RBFOX1: variants seen among roughly 807,000 people sequenced by gnomAD.
The protein encoded by RBFOX1 is RNA binding fox-1 homolog 1.
In RBFOX1, 8 loss-of-function variants were observed where a neutral mutation model predicts 57.7. The observed-to-expected ratio is 0.14, with a 90% CI of 0.08 to 0.25. RBFOX1 has a LOEUF of 0.25. Among genes scored for constraint, RBFOX1 ranks in the 10% least tolerant of loss-of-function variants. The pLI is 1.00. For synonymous variants in RBFOX1, 326 were observed against 222.4 expected (o/e 1.47, Z -4.15); for missense variants, 611 against 548.5 (o/e 1.11, Z -1.14).
At chr16:5,356,956 C>T (rs8049847) in intron 1 of RBFOX1, among the ~76,000 whole-genome samples, 6,397 of 152,254 alleles carry the variant, frequency 0.042, 457 homozygotes, top group African/African-American at 0.14. Context: ...TCGTTGAAGC[C>T]TCACAGGTAC....
chr16:7,120,817 A>T (rs1412336462), intron 4 of RBFOX1, among the ~76,000 whole-genome samples: 3 of 62,930 alleles, frequency 4.8e-5, no homozygotes, highest in African/African-American at 2.0e-4. Flanking sequence ...GTAATATTTT[A>T]TATATGTATA....
chr16:6,422,325 G>T (rs1321361452), intron 2 of RBFOX1, among the ~76,000 whole-genome samples: 4 of 151,664 alleles, frequency 2.6e-5, no homozygotes, highest in African/African-American at 4.8e-5. Flanking sequence ...GAGGTTCGGG[G>T]TGTGGATGAT....
chr16:6,204,751 T>C (rs2097242227), intron 1 of RBFOX1, among the ~76,000 whole-genome samples: 1 of 152,166 alleles, frequency 6.6e-6, no homozygotes, highest in South Asian at 2.1e-4. Flanking sequence ...ATGTTTTTAA[T>C]TGAGTTGGAT....
At chr16:6,665,548 C>T (rs1432584956) in intron 3 of RBFOX1, among the ~76,000 whole-genome samples, 2 of 151,514 alleles carry the variant, frequency 1.3e-5, no homozygotes, top group Non-Finnish European at 2.9e-5. Context: ...TCACTTAAAC[C>T]TGGGAGGCGG....
At chr16:6,294,684 G>A (rs532279786) in intron 1 of RBFOX1, among the ~76,000 whole-genome samples, 4 of 152,306 alleles carry the variant, frequency 2.6e-5, no homozygotes, top group East Asian at 1.9e-4. Flanking sequence ...GTTAATGCAA[G>A]TTTAGAAAAT....
intron 3 of RBFOX1, among the ~76,000 whole-genome samples, chr16:7,044,229 A>G (rs1343235431): frequency 6.6e-6 from 1 of 152,146 alleles, no homozygotes; most frequent in Non-Finnish European, 1.5e-5. Context: ...GAAAGGATGG[A>G]TGAGTAAACA....
At chr16:7,453,316 T>A (rs1037179789) in intron 4 of RBFOX1, among the ~76,000 whole-genome samples, 3 of 151,636 alleles carry the variant, frequency 2.0e-5, no homozygotes, top group Admixed American at 1.3e-4. Flanking sequence ...GGAAGGACAT[T>A]AGTGAGTATG....
intron 1 of RBFOX1, among the ~76,000 whole-genome samples, chr16:5,360,385 A>G (rs2065511250): frequency 1.3e-5 from 2 of 151,906 alleles, no homozygotes; most frequent in African/African-American, 2.4e-5. Context: ...GCTTCTTGAA[A>G]CTCAATGTGC....
chr16:5,739,018 A>G (rs1263191646), intron 3 of RBFOX1, among the ~76,000 whole-genome samples: 1 of 152,190 alleles, frequency 6.6e-6, no homozygotes, highest in African/African-American at 2.4e-5. Flanking sequence ...CCTTGCCTGA[A>G]TCTCAAGTTT....
chr16:7,345,663 C>T (rs925484982), intron 4 of RBFOX1, among the ~76,000 whole-genome samples: 3 of 152,184 alleles, frequency 2.0e-5, no homozygotes, highest in Non-Finnish European at 4.4e-5. Context: ...AGAGCTCCCA[C>T]TTGCTGCCGG....
chr16:6,085,482 G>C (rs955350726), intron 1 of RBFOX1, among the ~76,000 whole-genome samples: 3 of 152,142 alleles, frequency 2.0e-5, no homozygotes, highest in Admixed American at 6.5e-5. Context: ...TGTTGATCTG[G>C]CTGGTCTCGA....
chr16:6,685,491 T>A (rs77822787), intron 3 of RBFOX1, among the ~76,000 whole-genome samples: 1 of 149,460 alleles, frequency 6.7e-6, no homozygotes, highest in African/African-American at 2.5e-5. Context: ...TTTTGCCGTG[T>A]TCGCCAGGCT....
intron 5 of RBFOX1, among the ~76,000 whole-genome samples, chr16:7,539,054 C>G (rs905730627): frequency 3.9e-5 from 6 of 152,130 alleles, no homozygotes; most frequent in African/African-American, 1.2e-4. Flanking sequence ...TTGGCATTTG[C>G]TATGTGCTAT....
chr16:6,538,436 G>A (rs532392386), intron 2 of RBFOX1, among the ~76,000 whole-genome samples: 1 of 152,296 alleles, frequency 6.6e-6, no homozygotes, highest in East Asian at 1.9e-4. Flanking sequence ...AGGCTGCAGT[G>A]AGTGGTGATT....
chr16:6,971,516 G>T (rs1255335225), intron 3 of RBFOX1, among the ~76,000 whole-genome samples: 1 of 151,832 alleles, frequency 6.6e-6, no homozygotes, highest in Non-Finnish European at 1.5e-5. Context: ...GTTGGTGTGT[G>T]TGTGTGTGTG....
chr16:6,928,639 A>T (rs968903982), intron 3 of RBFOX1, among the ~76,000 whole-genome samples: 3 of 152,166 alleles, frequency 2.0e-5, no homozygotes, highest in Non-Finnish European at 4.4e-5. Flanking sequence ...GCAGCCTTGC[A>T]TTCATGTGGG....
chr16:5,753,758 C>A (rs1003689594), intron 3 of RBFOX1, among the ~76,000 whole-genome samples: 4 of 152,148 alleles, frequency 2.6e-5, no homozygotes, highest in African/African-American at 9.7e-5. Context: ...CACTGCTCTC[C>A]CTTGTATAGG....
chr16:6,954,247 A>G (rs924786684), intron 3 of RBFOX1, among the ~76,000 whole-genome samples: 2 of 145,736 alleles, frequency 1.4e-5, no homozygotes, highest in Admixed American at 1.4e-4. Flanking sequence ...TGAAGGTGCT[A>G]TGTAATAAAT....
intron 4 of RBFOX1, among the ~76,000 whole-genome samples, chr16:5,910,954 C>G (rs1183451617): frequency 6.6e-6 from 1 of 152,168 alleles, no homozygotes; most frequent in Non-Finnish European, 1.5e-5. Context: ...CCAAAGGGAT[C>G]AAGCTTCGTT....
Sources: allele counts gnomAD v4.1 joint callset (sites outside exome capture counted in the v4.1 genomes callset), GRCh38; gene constraint gnomAD v4.1.1; transcripts MANE v1.5; gene names NCBI Gene and HGNC (gene_info 2026-07-23, HGNC 2026-07-21).